Variants in RFC3 observed in about 807,000 individuals in gnomAD.
The protein encoded by RFC3 is A1 38 kDa subunit.
In RFC3, 41 loss-of-function variants were observed where a neutral mutation model predicts 45.1. The ratio of observed to expected loss-of-function variants is 0.91; its 90% CI spans 0.71 to 1.18. RFC3 has a LOEUF of 1.18. Ranked by LOEUF, RFC3 falls within the 50% of genes most tolerant of loss-of-function variation. RFC3 has a pLI of 0.00. For synonymous variants in RFC3, 149 were observed against 144.0 expected (o/e 1.03, Z -0.25); for missense variants, 423 against 428.1 (o/e 0.99, Z 0.10).
chr13:33,936,029 T>C (rs563649962), intron 8 of RFC3, among the ~76,000 whole-genome samples: 1 of 152,112 alleles, frequency 6.6e-6, no homozygotes, highest in Non-Finnish European at 1.5e-5. Context: ...CTTCCCCTTA[T>C]GAGAGCGATG....
At chr13:33,862,525 A>G (rs188890078) in intron 8 of RFC3, among the ~76,000 whole-genome samples, 1 of 152,204 alleles carries the variant, frequency 6.6e-6, no homozygotes, top group African/African-American at 2.4e-5. Flanking sequence ...GCTTTTGTCA[A>G]TGATTTTATG....
chr13:33,912,506 A>C (rs1234533631), intron 8 of RFC3, among the ~76,000 whole-genome samples: 8 of 152,134 alleles, frequency 5.3e-5, no homozygotes, highest in African/African-American at 1.9e-4. Context: ...ACTGGTAGTT[A>C]GGCAAAGGAG....
chr13:33,867,814 C>T lies in RFC3; in HGVS notation c.879+32597C>T, dbSNP rs367568638. On this transcript the variant is annotated intron_variant, in intron 8 of 8. Transcript: ENST00000434425. The stretch of plus-strand genomic sequence containing the variant: ...AGAAATCACAACTATCAGCTACAAC[C>T]CCAGGACTCATATTTCCTTCTTTAC... 3.3e-4 allele frequency among the ~76,000 whole-genome samples: 51 copies of T among 152,288 alleles called. No homozygotes were observed. In the East Asian group the frequency reaches 5.6e-3, roughly 17 times the overall value.
intron 8 of RFC3, among the ~76,000 whole-genome samples, chr13:33,927,527 G>A (rs965027259): frequency 6.6e-6 from 1 of 152,100 alleles, no homozygotes; most frequent in Admixed American, 6.6e-5. Flanking sequence ...TGTTTAAGAG[G>A]CCAACTCTCC....
At chr13:33,913,009 C>T (rs1330917915) in intron 8 of RFC3, among the ~76,000 whole-genome samples, 1 of 151,970 alleles carries the variant, frequency 6.6e-6, no homozygotes, top group Admixed American at 6.6e-5. Context: ...AAACAGGGGA[C>T]ACTGGGAGAG....
intron 8 of RFC3, among the ~76,000 whole-genome samples, chr13:33,884,800 A>G (rs1465906416): frequency 6.6e-6 from 1 of 152,126 alleles, no homozygotes; most frequent in Non-Finnish European, 1.5e-5. Context: ...TTGGCACAAT[A>G]TGTTCTTTTG....
At chr13:33,958,315 A>G (rs889296638) in intron 8 of RFC3, among the ~76,000 whole-genome samples, 4 of 152,202 alleles carry the variant, frequency 2.6e-5, no homozygotes, top group African/African-American at 9.7e-5. Context: ...GGTCCCGTCT[A>G]GGGAGTACAG....
At chr13:33,870,833 T>G (rs1593653548) in intron 8 of RFC3, among the ~76,000 whole-genome samples, 1 of 152,250 alleles carries the variant, frequency 6.6e-6, no homozygotes, top group Non-Finnish European at 1.5e-5. Flanking sequence ...TATGCCTCTA[T>G]GTCTTCAGTA....
chr13:33,836,368 G>A lies in RFC3; in HGVS notation c.*73G>A, dbSNP rs2082154858. On this transcript the variant is annotated 3_prime_UTR_variant, in exon 9 of 9. Transcript: ENST00000380071. ...TACAGCTTATATTAAAAGAGCTGTG[G>A]GTAAATTAACTGAACTTAATCATGT... The A allele has an allele frequency of 1.9e-6, 3 of 1,541,392 alleles. No individual in the cohort carries two copies. The highest frequency in any genetic ancestry group is 2.6e-6 in the Non-Finnish European group (3 of 1,141,190).
chr13:33,845,634 A>G (rs991624540), intron 8 of RFC3, among the ~76,000 whole-genome samples: 7 of 152,140 alleles, frequency 4.6e-5, no homozygotes, highest in African/African-American at 1.2e-4. Flanking sequence ...AAATTTTTCA[A>G]TGTCTTTGTT....
intron 8 of RFC3, among the ~76,000 whole-genome samples, chr13:33,844,791 A>G (rs2082225523): frequency 6.6e-6 from 1 of 152,164 alleles, no homozygotes; most frequent in African/African-American, 2.4e-5. Flanking sequence ...TAGTCTTTCT[A>G]TTCAAGATAT....
intron 8 of RFC3, among the ~76,000 whole-genome samples, chr13:33,945,773 A>G (rs957896857): frequency 6.6e-6 from 1 of 152,202 alleles, no homozygotes; most frequent in Non-Finnish European, 1.5e-5. Context: ...AGAAAGGGCA[A>G]ACACTCCTAA....
chr13:33,893,964 A>AC (rs2082579990), intron 8 of RFC3, among the ~76,000 whole-genome samples: 2 of 151,876 alleles, frequency 1.3e-5, no homozygotes, highest in African/African-American at 4.9e-5. Context: ...TTGAAAGGAA[A>AC]AAAACAAACA....
intron 8 of RFC3, among the ~76,000 whole-genome samples, chr13:33,931,710 G>GATATCTGATGTTACTTTTAA (rs1157927792): frequency 1.3e-5 from 2 of 151,988 alleles, no homozygotes; most frequent in Non-Finnish European, 2.9e-5. Context: ...TTTCCTTTGT[G>GATATCTGATGTTACTTTTAA]ATATCTGATG....
intron 8 of RFC3, among the ~76,000 whole-genome samples, chr13:33,867,905 C>T (rs1476529235): frequency 6.6e-6 from 1 of 152,114 alleles, no homozygotes; most frequent in Non-Finnish European, 1.5e-5. Flanking sequence ...CCTACTATGC[C>T]ATTTAAAAAA....
At chr13:33,899,685 A>G (rs1011553261) in intron 8 of RFC3, among the ~76,000 whole-genome samples, 13 of 151,956 alleles carry the variant, frequency 8.6e-5, no homozygotes, top group Non-Finnish European at 1.3e-4. Context: ...GGCTAGATCA[A>G]TTAGACAAGA....
chr13:33,894,986 G>C (rs934333285), intron 8 of RFC3, among the ~76,000 whole-genome samples: 2 of 151,960 alleles, frequency 1.3e-5, no homozygotes, highest in Non-Finnish European at 2.9e-5. Flanking sequence ...ATCTCTCATC[G>C]TATACAAAAA....
At chr13:33,973,415 C>T in the RFC3 span, among the ~76,000 whole-genome samples, 4 of 152,050 alleles carry the variant, frequency 2.6e-5, no homozygotes, top group Admixed American at 6.6e-5. Flanking sequence ...TCATTGAAAC[C>T]GCTGAATATT....
intron 4 of RFC3, among the ~76,000 whole-genome samples, chr13:33,826,196 C>A (rs184686403): frequency 3.3e-4 from 50 of 152,156 alleles, no homozygotes; most frequent in African/African-American, 1.1e-3. Context: ...CAGCTATATT[C>A]CCACCATCCA....
Sources: allele counts gnomAD v4.1 joint callset (sites outside exome capture counted in the v4.1 genomes callset), GRCh38; gene constraint gnomAD v4.1.1; transcripts MANE v1.5; gene names NCBI Gene and HGNC (gene_info 2026-07-23, HGNC 2026-07-21).